Variants in TMEM132C observed in about 807,000 individuals in gnomAD.
TMEM132C encodes the protein transmembrane protein 132C.
A neutral mutation model predicts 61.4 loss-of-function variants in TMEM132C; 29 were observed. The observed-to-expected ratio is 0.47, with a 90% CI of 0.35 to 0.64. The LOEUF is 0.64. TMEM132C is among the 30% of genes least tolerant of loss of function. The pLI is 0.00. For synonymous variants in TMEM132C, 656 were observed against 633.1 expected (o/e 1.04, Z -0.54); for missense variants, 1,408 against 1,476.9 (o/e 0.95, Z 0.76).
chr12:128,561,052 A>G (rs1874499714), intron 3 of TMEM132C, among the ~76,000 whole-genome samples: 1 of 152,212 alleles, frequency 6.6e-6, no homozygotes, highest in Non-Finnish European at 1.5e-5. Context: ...AACCAAAGCT[A>G]CTGTCATGCC....
At chr12:128,310,614 G>A (rs890334509) in intron 1 of TMEM132C, among the ~76,000 whole-genome samples, 1 of 152,054 alleles carries the variant, frequency 6.6e-6, no homozygotes, top group African/African-American at 2.4e-5. Context: ...CCAAGGAGAT[G>A]AACAAGCCAT....
At chr12:128,397,407 G>A (rs7304807) in intron 1 of TMEM132C, among the ~76,000 whole-genome samples, 12,608 of 152,206 alleles carry the variant, frequency 0.083, 1,822 homozygotes, top group African/African-American at 0.29. Context: ...TCTTTCTGGA[G>A]CAATTGCAAC....
rs531327309 is a variant in TMEM132C, at chr12:128,285,749, C to G, written c.85+18262C>G. ...TCTCTCTCTCTCTCCCCATCTCTAT[C>G]CCTCTCTCCCTTTCTCTCTTTCTCT... On this transcript the variant is annotated intron_variant, in intron 1 of 8. Coordinates refer to ENST00000435159, the MANE Select transcript of TMEM132C (RefSeq NM_001136103.3). 7.7e-5 allele frequency among the ~76,000 whole-genome samples: 8 copies of G among 104,470 alleles called. No individual in the cohort carries two copies. In the East Asian group the frequency reaches 2.3e-3, roughly 30 times the overall value. The allele number at this position is 104,470 out of a possible 152,430, so 68.5% of individuals were successfully genotyped here. A position where few individuals can be genotyped will look rare whatever the true frequency, so the allele number is the denominator to read the frequency against.
At chr12:128,345,313 A>G (rs1713627) in intron 1 of TMEM132C, among the ~76,000 whole-genome samples, 131,996 of 152,120 alleles carry the variant, frequency 0.87, 58,477 homozygotes, top group East Asian at 1. Context: ...TCACTGATGG[A>G]CACTTAGGTT....
intron 5 of TMEM132C, among the ~76,000 whole-genome samples, chr12:128,690,077 G>T (rs1347985676): frequency 6.6e-6 from 1 of 152,178 alleles, no homozygotes; most frequent in East Asian, 1.9e-4. Context: ...AGTGATAACG[G>T]AATATGGCAA....
intron 1 of TMEM132C, among the ~76,000 whole-genome samples, chr12:128,331,180 A>G (rs1416729753): frequency 7.1e-6 from 1 of 140,242 alleles, no homozygotes; most frequent in East Asian, 2.1e-4. Context: ...TCCTCCCTCC[A>G]TCCCCATCTC....
intron 1 of TMEM132C, among the ~76,000 whole-genome samples, chr12:128,335,791 A>C (rs994301413): frequency 3.3e-5 from 5 of 152,316 alleles, no homozygotes; most frequent in Admixed American, 2.6e-4. Flanking sequence ...AGAGAGGGTA[A>C]GTTACTTGCC....
chr12:128,520,965 C>T (rs906606799), intron 2 of TMEM132C, among the ~76,000 whole-genome samples: 2 of 151,992 alleles, frequency 1.3e-5, no homozygotes, highest in African/African-American at 4.8e-5. Flanking sequence ...CTGCCTCTAG[C>T]TTCCCTATCT....
chr12:128,487,874 T>A (rs1431715876), intron 2 of TMEM132C, among the ~76,000 whole-genome samples: 1 of 152,138 alleles, frequency 6.6e-6, no homozygotes, highest in African/African-American at 2.4e-5. Flanking sequence ...TCTCTAGATC[T>A]GCACTGTCAA....
chr12:128,444,081 G>A (rs779759802), intron 2 of TMEM132C, among the ~76,000 whole-genome samples: 7 of 152,076 alleles, frequency 4.6e-5, no homozygotes, highest in Admixed American at 6.6e-5. Flanking sequence ...ACACCACCAC[G>A]CGCAGCTAAT....
At chr12:128,583,729 G>A (rs1009097869) in intron 3 of TMEM132C, among the ~76,000 whole-genome samples, 1 of 152,208 alleles carries the variant, frequency 6.6e-6, no homozygotes, top group Admixed American at 6.5e-5. Flanking sequence ...AGGCCCAGTG[G>A]CCACACAGCA....
At chr12:128,658,024 G>C (rs909283316) in intron 4 of TMEM132C, among the ~76,000 whole-genome samples, 10 of 149,948 alleles carry the variant, frequency 6.7e-5, no homozygotes, top group Non-Finnish European at 1.3e-4. Flanking sequence ...AGCTCCCATG[G>C]AGGCCACAAG....
chr12:128,526,586 G>T (rs982338532), intron 2 of TMEM132C, among the ~76,000 whole-genome samples: 1 of 152,198 alleles, frequency 6.6e-6, no homozygotes, highest in African/African-American at 2.4e-5. Context: ...TTAGATTTTA[G>T]TTGGGGAGAC....
At chr12:128,686,060 TGTGTGCATGCG>T (rs1475630151) in intron 5 of TMEM132C, among the ~76,000 whole-genome samples, 3 of 83,868 alleles carry the variant, frequency 3.6e-5, no homozygotes, top group African/African-American at 6.3e-5. Flanking sequence ...TGCATGTGTG[TGTGTGCATGCG>T]TGTGTGCGCA....
intron 3 of TMEM132C, among the ~76,000 whole-genome samples, chr12:128,598,580 C>A (rs1593114530): frequency 6.6e-6 from 1 of 152,188 alleles, no homozygotes. Flanking sequence ...CACCCCCAGA[C>A]CAGTGATCTT....
At position 128,415,809 on chromosome 12, in the gene TMEM132C, A is replaced by T. The variant is rs1442836389; in HGVS notation, c.974+189A>T. On this transcript the variant is annotated intron_variant, in intron 2 of 8. Coordinates refer to ENST00000435159, the MANE Select transcript of TMEM132C (RefSeq NM_001136103.3). This position sits in a 1 kb window ranked among gnomAD's most constrained non-coding sequence, Gnocchi z 5.8. ...AACAGCCCTCCTTACACCGTGGGTT[A>T]TGGAGGGAAGAAGAGGCAAAGGGCG... is the stretch of plus-strand genomic sequence containing the variant. Among the ~76,000 whole-genome samples the T allele has an allele frequency of 1.3e-5, 2 of 152,140 alleles. No individual in the cohort carries two copies. The highest frequency in any genetic ancestry group is 4.8e-5 in the African/African-American group (2 of 41,458).
intron 2 of TMEM132C, among the ~76,000 whole-genome samples, chr12:128,467,164 T>C (rs1420255264): frequency 1.3e-5 from 2 of 152,096 alleles, no homozygotes; most frequent in Non-Finnish European, 2.9e-5. Flanking sequence ...TGATAGAAAA[T>C]CCTCCTTCTG....
Position 128,400,411 on chromosome 12 carries a change from C to T in TMEM132C, c.86-14321C>T, listed in dbSNP as rs11059676. Reference sequence around the variant, plus strand: ...ACCTTCTTTCCCAGAAGTCCTAACACACTTCTCCTCATAGGTCCTTGGCCC... The same window carrying T: ...ACCTTCTTTCCCAGAAGTCCTAACATACTTCTCCTCATAGGTCCTTGGCCC... On this transcript the variant is annotated intron_variant, in intron 1 of 8. Transcript: ENST00000435159. Among the ~76,000 whole-genome samples the T allele has an allele frequency of 1.8e-3, 274 of 152,254 alleles. 1 individual carries two copies. Among genetic ancestry groups the T allele is most frequent in the African/African-American group, 6.2e-3 (257 of 41,564 alleles).
intron 1 of TMEM132C, among the ~76,000 whole-genome samples, chr12:128,295,915 T>C (rs963877606): frequency 1.3e-5 from 2 of 152,216 alleles, no homozygotes; most frequent in South Asian, 4.1e-4. Context: ...CCTTTCCTTA[T>C]TACCTTCCAT....
Sources: allele counts gnomAD v4.1 joint callset (sites outside exome capture counted in the v4.1 genomes callset), GRCh38; gene constraint gnomAD v4.1.1; non-coding constraint Gnocchi (gnomAD v3.1); transcripts MANE v1.5; gene names NCBI Gene and HGNC (gene_info 2026-07-23, HGNC 2026-07-21).